Variants in TET3 observed in about 807,000 individuals in gnomAD.
The protein encoded by TET3 is tet methylcytosine dioxygenase 3.
A neutral mutation model predicts 141.4 loss-of-function variants in TET3; 19 were observed. The ratio of observed to expected loss-of-function variants is 0.13; its 90% CI spans 0.09 to 0.20. The LOEUF (loss-of-function observed/expected upper bound fraction) is 0.20, where lower values mean the gene tolerates loss of function less well. TET3 is among the 10% of genes least tolerant of loss of function. TET3 has a pLI of 1.00. For missense variants in TET3, 1,874 were observed against 2,356.9 expected (o/e 0.80, Z 4.24); for synonymous variants, 1,043 against 980.9 (o/e 1.06, Z -1.18).
rs188732824 is a variant in TET3, at chr2:74,066,636, C to G, written c.2495-6913C>G. Among the ~76,000 whole-genome samples, 3 of 152,304 alleles carry G rather than the reference C, an allele frequency of 2.0e-5. No homozygotes were observed. The East Asian group carries it at 5.8e-4, about 29-fold the overall frequency. ...ACTCCTTGGGCTGCCCTGTAAACTG[C>G]TGAAAGTGGCTTTGGTTTTGTTTGG... On this transcript the variant is annotated intron_variant, in intron 4 of 11. Coordinates refer to ENST00000409262, the MANE Select transcript of TET3 (RefSeq NM_001287491.2).
At position 74,030,901 on chromosome 2, in the gene TET3, G is replaced by A. The variant is rs756616514; in HGVS notation, c.361-15377G>A. 2.6e-4 allele frequency among the ~76,000 whole-genome samples: 40 copies of A among 152,234 alleles called. 1 individual carries two copies. The highest frequency in any genetic ancestry group is 5.9e-5 in the Non-Finnish European group (4 of 68,040). On this transcript the variant is annotated intron_variant, in intron 3 of 11. Coordinates refer to ENST00000409262, the MANE Select transcript of TET3 (RefSeq NM_001287491.2). The stretch of plus-strand genomic sequence containing the variant: ...TGCTTGCATATGGAAACATCAAGAG[G>A]ACATCAGAGGGGATGGAAGGGTTTA...
chr2:74,082,414 G>A (rs151090864), intron 6 of TET3, among the ~76,000 whole-genome samples: 19 of 152,136 alleles, frequency 1.2e-4, no homozygotes, highest in African/African-American at 3.4e-4. Context: ...AGAGCAGGAC[G>A]CATGGGGCGC....
intron 2 of TET3, 23 bp downstream of exon 2, chr2:73,986,729 A>G: frequency 8.1e-7 from 1 of 1,231,714 alleles, no homozygotes; most frequent in Non-Finnish European, 1.0e-6. Context: ...TTGCTGGGCT[A>G]CCCTGTTCCT....
intron 7 of TET3, among the ~76,000 whole-genome samples, chr2:74,088,950 A>G (rs828871): frequency 0.46 from 70,093 of 151,760 alleles, 19,550 homozygotes; most frequent in Non-Finnish European, 0.58. Context: ...GTGTGGTGAC[A>G]CATGCCTGTA....
At chr2:73,992,518 T>A (rs1684384547) in intron 2 of TET3, among the ~76,000 whole-genome samples, 1 of 152,116 alleles carries the variant, frequency 6.6e-6, no homozygotes, top group African/African-American at 2.4e-5. Context: ...TTCACCATGT[T>A]CGCCAGGCTG....
upstream of TET3, among the ~76,000 whole-genome samples, chr2:73,984,691 G>A (rs1683903820): frequency 6.6e-6 from 1 of 151,768 alleles, no homozygotes; most frequent in Admixed American, 6.6e-5. The surrounding 1 kb of genome is among the most constrained non-coding windows in gnomAD (Gnocchi z 5.6). Context: ...CGCGTGGGTG[G>A]GAGCCACTGC....
chr2:74,119,742 C>G, the TET3 span, among the ~76,000 whole-genome samples: 38 of 152,294 alleles, frequency 2.5e-4, no homozygotes, highest in African/African-American at 9.1e-4. Flanking sequence ...ATTATTACCA[C>G]GATTGCTGCA....
chr2:74,046,877 C>T lies in TET3; in HGVS notation c.960C>T (p.Thr320=), dbSNP rs769934775. The change falls in exon 4 of 12, where the codon ACC becomes ACT. Residue 320 remains threonine (T), a synonymous_variant. Coordinates refer to ENST00000409262, the MANE Select transcript of TET3 (RefSeq NM_001287491.2). The surrounding 1 kb of genome is among the most constrained non-coding windows in gnomAD (Gnocchi z 4.3). ...AGGCCGGCCTCCCAGCACCAAGCACCAGGCCACTCCTCAGCTCAGAGGTGC... is the reference window on the plus strand; with the variant it reads ...AGGCCGGCCTCCCAGCACCAAGCACTAGGCCACTCCTCAGCTCAGAGGTGC... ...PGEAGLPAPS[T]RPLLSSEVPQ... 1 of 1,613,656 alleles carries T rather than the reference C, an allele frequency of 6.2e-7. No individual in the cohort carries two copies.
chr2:74,011,227 CA>C (rs34155044), intron 3 of TET3, among the ~76,000 whole-genome samples: 282 of 94,392 alleles, frequency 3.0e-3, no homozygotes, highest in East Asian at 8.4e-3. Flanking sequence ...GACTCCGTTT[CA>C]AAAAAAAAAA....
rs567336733 is a variant in TET3, at chr2:74,018,906, A to G, written c.360+15740A>G. Among the ~76,000 whole-genome samples the G allele has an allele frequency of 4.6e-5, 7 of 152,324 alleles. No individual in the cohort carries two copies. The South Asian group carries it at 1.5e-3, about 32-fold the overall frequency. On this transcript the variant is annotated intron_variant, in intron 3 of 11. Transcript: ENST00000409262. ...ACAATGAATCTTCCTATCCAGAGAAAGGGAAGTAGACCTTTCCGTTTATTC... is the reference window on the plus strand; with the variant it reads ...ACAATGAATCTTCCTATCCAGAGAAGGGGAAGTAGACCTTTCCGTTTATTC...
Position 74,090,063 on chromosome 2 carries a change from C to CG in TET3, c.3039+20dup. 1 of 1,611,966 alleles carries CG rather than the reference C, an allele frequency of 6.2e-7. No individual in the cohort carries two copies. The highest frequency in any genetic ancestry group is 8.5e-7 in the Non-Finnish European group (1 of 1,178,466). On this transcript the variant is annotated intron_variant, in intron 8 of 11. Coordinates refer to ENST00000409262, the MANE Select transcript of TET3 (RefSeq NM_001287491.2). ...TCCCAAAGAGGTGAGCAGAGCTGGG[C>CG]GGGGACCCTGCCTCCCATCCTTTCT...
Position 74,080,609 on chromosome 2 carries a change from T to C in TET3, c.2679+18T>C. Reference sequence around the variant, plus strand: ...CAAAGTGGGTGAGTGTTGAGCCCACTCAAGAGCCACAGCTGTGCCTGGTTC... The same window carrying C: ...CAAAGTGGGTGAGTGTTGAGCCCACCCAAGAGCCACAGCTGTGCCTGGTTC... On this transcript the variant is annotated intron_variant, in intron 6 of 11. Coordinates refer to ENST00000409262, the MANE Select transcript of TET3 (RefSeq NM_001287491.2). 1 of 1,589,762 alleles carries C rather than the reference T, an allele frequency of 6.3e-7. No individual in the cohort carries two copies. Among genetic ancestry groups the C allele is most frequent in the Non-Finnish European group, 8.6e-7 (1 of 1,167,866 alleles).
In TET3 at chr2:74,048,097, C is replaced by T. The variant is rs1361485490; in HGVS notation, c.2180C>T (p.Pro727Leu). Residue 727 changes from proline (P) to leucine (L), a missense_variant, in exon 4 of 12, where the codon CCC (proline) becomes CTC (leucine). This residue lies in a region of TET3 where 484 missense variants were observed against 462.2 expected (regional missense o/e 1.05). Coordinates refer to ENST00000409262, the MANE Select transcript of TET3 (RefSeq NM_001287491.2). ...GGAGATAGCTTTGGGCTTCCCGGCC[C>T]CCCTTCTGTGCCCATTCAGGACCCC... ...EFGDSFGLPG[P>L]PSVPIQDPEN... The T allele has an allele frequency of 6.2e-7, 1 of 1,613,582 alleles. No individual in the cohort carries two copies. The highest frequency in any genetic ancestry group is 1.7e-5 in the Admixed American group (1 of 59,964).
intron 4 of TET3, among the ~76,000 whole-genome samples, chr2:74,052,427 GTT>G (rs1687993537): frequency 6.6e-6 from 1 of 152,256 alleles, no homozygotes; most frequent in Middle Eastern, 3.4e-3. Flanking sequence ...TAGGTAGAGA[GTT>G]ATAGGTTAAT....
At chr2:74,110,528 CAT>C (rs1482953907), downstream of TET3, among the ~76,000 whole-genome samples, 14 of 152,278 alleles carry the variant, frequency 9.2e-5, no homozygotes, top group East Asian at 2.5e-3. Flanking sequence ...GCCCTAAAAA[CAT>C]GTTCGACACA....
chr2:74,130,338 T>C, the TET3 span, among the ~76,000 whole-genome samples: 1 of 152,174 alleles, frequency 6.6e-6, no homozygotes, highest in Admixed American at 6.5e-5. Context: ...GAGGTCAGCT[T>C]CCTGGAATGA....
chr2:74,086,905 A>C (rs1471642843), intron 6 of TET3, among the ~76,000 whole-genome samples: 1 of 151,984 alleles, frequency 6.6e-6, no homozygotes, highest in Admixed American at 6.6e-5. Context: ...ACAAGCATCA[A>C]CCTAGTCTAT....
At chr2:74,019,144 C>G (rs1176094009) in intron 3 of TET3, among the ~76,000 whole-genome samples, 3 of 152,180 alleles carry the variant, frequency 2.0e-5, no homozygotes, top group Non-Finnish European at 4.4e-5. Flanking sequence ...GTAGTCCCAG[C>G]TACTTGGGAG....
intron 4 of TET3, among the ~76,000 whole-genome samples, chr2:74,068,457 A>G (rs536842215): frequency 1.3e-5 from 2 of 152,326 alleles, no homozygotes; most frequent in East Asian, 3.9e-4. Flanking sequence ...CAACTGCTCA[A>G]TATTTCATTA....
Sources: allele counts gnomAD v4.1 joint callset (sites outside exome capture counted in the v4.1 genomes callset), GRCh38; gene constraint gnomAD v4.1.1; regional missense constraint gnomAD v4.1.1; non-coding constraint Gnocchi (gnomAD v3.1); transcripts MANE v1.5; gene names NCBI Gene and HGNC (gene_info 2026-07-23, HGNC 2026-07-21).